The following CNTN6 variants were observed in gnomAD, a reference collection of about 807,000 sequenced individuals.
CNTN6 encodes the protein contactin-6.
In CNTN6, 137 loss-of-function variants were observed where a neutral mutation model predicts 122.8. The observed-to-expected ratio is 1.12, with a 90% CI of 0.97 to 1.29. The LOEUF (loss-of-function observed/expected upper bound fraction) is 1.29, where lower values mean the gene tolerates loss of function less well. CNTN6 is among the 50% of genes most tolerant of loss of function. The probability of loss-of-function intolerance (pLI) is 0.00; values close to 1 mark genes in which losing one functional copy is unlikely to be tolerated. For synonymous variants in CNTN6, 570 were observed against 426.0 expected (o/e 1.34, Z -4.16); for missense variants, 1,634 against 1,223.4 (o/e 1.34, Z -5.01).
In CNTN6 at chr3:1,383,078, T is replaced by A; in HGVS notation, c.2303T>A (p.Ile768Asn). 1 of 1,614,002 alleles carries A rather than the reference T, an allele frequency of 6.2e-7. No homozygotes were observed. The highest frequency in any genetic ancestry group is 8.5e-7 in the Non-Finnish European group (1 of 1,179,902). ...AGGTTTGTCTACAGAAATGAAAGCA[T>A]CATCCCACTGTCTCCCTTTGAAGTC... is the stretch of plus-strand genomic sequence containing the variant. ...SSRFVYRNES[I>N]IPLSPFEVKV... Residue 768 changes from isoleucine to asparagine, a missense_variant, in exon 18 of 23, where the codon ATC becomes AAC. Physicochemically the swap from Ile to Asn is moderately radical, Grantham distance 149. Transcript: ENST00000446702.
intron 7 of CNTN6, among the ~76,000 whole-genome samples, chr3:1,314,372 A>G (rs947179790): frequency 4.6e-5 from 7 of 152,142 alleles, no homozygotes; most frequent in African/African-American, 1.7e-4. Context: ...GGTTCAAGTT[A>G]ATAATCCCAA....
rs900919596 is a variant in CNTN6, at chr3:1,093,580, G to A, written c.-83+460G>A. Among the ~76,000 whole-genome samples the A allele has an allele frequency of 3.0e-4, 45 of 151,436 alleles. 1 individual carries two copies. Among genetic ancestry groups the A allele is most frequent in the Non-Finnish European group, 7.4e-5 (5 of 67,930 alleles). On this transcript the variant is annotated intron_variant, in intron 1 of 22. Coordinates refer to ENST00000446702, the MANE Select transcript of CNTN6 (RefSeq NM_001289080.2). Reference sequence around the variant, plus strand: ...AGGGGTGGGGTTTGCAGTTCTCACCGGATGATTTAAAAGAATGGTTATAAA... The same window carrying A: ...AGGGGTGGGGTTTGCAGTTCTCACCAGATGATTTAAAAGAATGGTTATAAA...
chr3:1,099,361 G>A (rs916192516), intron 1 of CNTN6, among the ~76,000 whole-genome samples: 12 of 152,162 alleles, frequency 7.9e-5, no homozygotes, highest in Non-Finnish European at 1.5e-4. Context: ...TGAGGCGGGA[G>A]AATGGCGGGA....
At chr3:1,207,614 C>A (rs2093975416) in intron 2 of CNTN6, among the ~76,000 whole-genome samples, 1 of 152,024 alleles carries the variant, frequency 6.6e-6, no homozygotes. Flanking sequence ...CTCTCCATAG[C>A]ACTCACAACA....
intron 1 of CNTN6, among the ~76,000 whole-genome samples, chr3:1,126,791 C>T (rs2092176776): frequency 6.6e-6 from 1 of 151,908 alleles, no homozygotes; most frequent in African/African-American, 2.4e-5. Flanking sequence ...AGAGTTACTT[C>T]CTGTGTCCCT....
At position 1,324,407 on chromosome 3, in the gene CNTN6, T is replaced by G. The variant is rs1474434539; in HGVS notation, c.947-1408T>G. On this transcript the variant is annotated intron_variant, in intron 8 of 22. Transcript: ENST00000446702. ...ACGGTGGCCAGTTCAGCACTGTGCG[T>G]TGTAGATGTAACCTGAAGGAGTGTT... 3.3e-5 allele frequency among the ~76,000 whole-genome samples: 5 copies of G among 149,634 alleles called. 1 individual carries two copies. The highest frequency in any genetic ancestry group is 1.0e-4 in the African/African-American group (4 of 39,300).
chr3:1,271,377 C>T (rs1417022148), intron 4 of CNTN6, among the ~76,000 whole-genome samples: 6 of 152,142 alleles, frequency 3.9e-5, no homozygotes, highest in African/African-American at 9.6e-5. Context: ...AGAAGGCAGA[C>T]GCAAGTAAGA....
intron 3 of CNTN6, among the ~76,000 whole-genome samples, chr3:1,223,962 C>T (rs139756663): frequency 1.1e-3 from 165 of 152,262 alleles, no homozygotes; most frequent in African/African-American, 3.9e-3. Context: ...GAAATGACTT[C>T]TGGAGAAATC....
chr3:1,291,486 G>A (rs1262724994), intron 5 of CNTN6, among the ~76,000 whole-genome samples: 1 of 152,170 alleles, frequency 6.6e-6, no homozygotes, highest in Non-Finnish European at 1.5e-5. Flanking sequence ...TGAAAGGGGT[G>A]ACATTGGATT....
Position 1,386,915 on chromosome 3 carries a change from T to C in CNTN6, c.2704+1118T>C, listed in dbSNP as rs559529842. Among the ~76,000 whole-genome samples the C allele has an allele frequency of 1.3e-4, 20 of 152,282 alleles. No individual in the cohort carries two copies. In the East Asian group the frequency reaches 3.9e-3, roughly 29 times the overall value. ...TATTCCCCTTATGCGTATATATGCGTATATTTGTCATGTCCAAAAGAAGTT... is the reference window on the plus strand; with the variant it reads ...TATTCCCCTTATGCGTATATATGCGCATATTTGTCATGTCCAAAAGAAGTT... On this transcript the variant is annotated intron_variant, in intron 20 of 22. Coordinates refer to ENST00000446702, the MANE Select transcript of CNTN6 (RefSeq NM_001289080.2).
intron 2 of CNTN6, among the ~76,000 whole-genome samples, chr3:1,187,857 A>G (rs2093650799): frequency 6.6e-6 from 1 of 152,102 alleles, no homozygotes; most frequent in African/African-American, 2.4e-5. Flanking sequence ...CTGTGAAACA[A>G]GAAGTCTGTA....
At position 1,382,948 on chromosome 3, in the gene CNTN6, C is replaced by A. The variant is rs773477532; in HGVS notation, c.2173C>A (p.Pro725Thr). ...SELVITWESI[P>T]EELQNGEGFG... ...TGATCACATTCTGCCCAAGTCAATT[C>A]CAGAAGAACTGCAGAATGGGGAGGG... The change falls in exon 18 of 23, where the codon CCA (proline) becomes ACA (threonine). Residue 725 changes from proline (P) to threonine (T), a missense_variant. By Grantham distance (38) the Pro-to-Thr change is conservative. Transcript: ENST00000446702. 1 of 1,612,498 alleles carries A rather than the reference C, an allele frequency of 6.2e-7. No homozygotes were observed.
At chr3:1,110,546 A>AATTTG (rs1167554478) in intron 1 of CNTN6, among the ~76,000 whole-genome samples, 1 of 152,116 alleles carries the variant, frequency 6.6e-6, no homozygotes, top group Non-Finnish European at 1.5e-5. Context: ...AAAGCTGGCA[A>AATTTG]ATTTGGGGAA....
At chr3:1,251,792 C>G (rs2094674494) in intron 4 of CNTN6, among the ~76,000 whole-genome samples, 1 of 152,136 alleles carries the variant, frequency 6.6e-6, no homozygotes, top group South Asian at 2.1e-4. Context: ...TAAAAGTCAA[C>G]TAAATCATCC....
intron 12 of CNTN6, among the ~76,000 whole-genome samples, chr3:1,361,762 A>C (rs1177451522): frequency 6.6e-6 from 1 of 152,154 alleles, no homozygotes; most frequent in Non-Finnish European, 1.5e-5. Context: ...TTAAAAATGA[A>C]CAAAAACAGT....
rs368646888 is a variant in CNTN6 at position 1,151,868 on chromosome 3, TA to T, written c.55+3809del. Among the ~76,000 whole-genome samples, 586 of 151,932 alleles carry T rather than the reference TA, an allele frequency of 3.9e-3. 1 individual carries two copies. The highest frequency in any genetic ancestry group is 0.013 in the African/African-American group (555 of 41,418). On this transcript the variant is annotated intron_variant, in intron 2 of 22. Transcript: ENST00000446702. ...TAATGAAAATGAGGAAAAGAGCAAATAAAAGAATTTTAAGAAGTCACAATAA... is the reference window on the plus strand; with the variant it reads ...TAATGAAAATGAGGAAAAGAGCAAATAAAGAATTTTAAGAAGTCACAATAA...
At chr3:1,164,914 ATT>A (rs1182225795) in intron 2 of CNTN6, among the ~76,000 whole-genome samples, 1 of 152,168 alleles carries the variant, frequency 6.6e-6, no homozygotes, top group Non-Finnish European at 1.5e-5. Flanking sequence ...ATCTGAGTGG[ATT>A]TTTTTGTGGC....
intron 4 of CNTN6, among the ~76,000 whole-genome samples, chr3:1,270,664 A>AG: frequency 6.6e-6 from 1 of 152,206 alleles, no homozygotes; most frequent in Non-Finnish European, 1.5e-5. Flanking sequence ...GGATTCTCAA[A>AG]GGGGGGAAAT....
At chr3:1,155,293 A>G (rs1403504117) in intron 2 of CNTN6, among the ~76,000 whole-genome samples, 1 of 152,224 alleles carries the variant, frequency 6.6e-6, no homozygotes, top group African/African-American at 2.4e-5. Flanking sequence ...ACAGTGCCTG[A>G]CGCATGGTAC....
Sources: gnomAD v4.1 joint callset for allele counts (sites outside exome capture counted in the v4.1 genomes callset) on GRCh38, gnomAD v4.1.1 for gene constraint, MANE v1.5 for transcripts, NCBI Gene and HGNC (gene_info 2026-07-23, HGNC 2026-07-21) for gene names.